Variants in BMPER observed in about 807,000 individuals in gnomAD.
BMPER encodes BMP-binding endothelial regulator protein.
Under a neutral mutation model 87.3 loss-of-function variants are expected in BMPER, and 45 were observed. The observed-to-expected ratio is 0.52, with a 90% CI of 0.41 to 0.66. The LOEUF is 0.66. BMPER is among the 30% of genes least tolerant of loss of function. The probability of loss-of-function intolerance (pLI) is 0.00; values close to 1 mark genes in which losing one functional copy is unlikely to be tolerated. For missense variants in BMPER, 784 were observed against 867.5 expected, an observed-to-expected ratio of 0.90 and a Z score of 1.21; for synonymous variants, 326 against 316.2, an observed-to-expected ratio of 1.03 and a Z score of -0.33.
intron 11 of BMPER, among the ~76,000 whole-genome samples, chr7:34,078,542 C>T (rs1197223336): frequency 6.6e-6 from 1 of 152,048 alleles, no homozygotes. Flanking sequence ...GAAGTAAGGC[C>T]AGTTCTTAGT....
rs571736186 is a variant in BMPER, at chr7:34,154,160, G to A, written c.*887G>A. 6.6e-6 allele frequency: 1 copy of A among 152,646 alleles called. No homozygotes were observed. Among genetic ancestry groups the A allele is most frequent in the Non-Finnish European group, 1.5e-5 (1 of 68,034 alleles). The allele number at this position is 152,646 out of a possible 1,614,324, so 9.5% of individuals were successfully genotyped here. On this transcript the variant is annotated 3_prime_UTR_variant, in exon 15 of 15. Transcript: ENST00000649409. Reference sequence around the variant, plus strand: ...AGATGGGCAAATCCAATGAGTTGATGTAACCCATCTACATTTTGTGGCTAT... The same window carrying A: ...AGATGGGCAAATCCAATGAGTTGATATAACCCATCTACATTTTGTGGCTAT...
At chr7:33,939,984 C>T in intron 3 of BMPER, 1 of 296,466 alleles carries the variant, frequency 3.4e-6, no homozygotes, top group Non-Finnish European at 7.8e-6. Flanking sequence ...GGACACAGTC[C>T]TGTTCACTCT....
intron 6 of BMPER, among the ~76,000 whole-genome samples, chr7:33,975,751 C>G (rs1785670539): frequency 6.6e-6 from 1 of 152,138 alleles, no homozygotes; most frequent in Non-Finnish European, 1.5e-5. Context: ...ATGGGGAACT[C>G]TAGCATGCTA....
At chr7:34,024,419 ATATATATATATATAT>A (rs1419761465) in intron 6 of BMPER, among the ~76,000 whole-genome samples, 1 of 46,280 alleles carries the variant, frequency 2.2e-5, no homozygotes, top group African/African-American at 1.0e-4. Context: ...ATATATATAT[ATATATATATATATAT>A]GTTGGGGAGG....
intron 8 of BMPER, 128 bp downstream of exon 8, chr7:34,052,098 C>T: frequency 1.2e-6 from 1 of 857,712 alleles, no homozygotes; most frequent in Non-Finnish European, 1.9e-6. Context: ...TGCCATTTTA[C>T]AAGGAAAATC....
intron 13 of BMPER, among the ~76,000 whole-genome samples, chr7:34,109,794 G>T (rs1296259768): frequency 6.6e-6 from 1 of 152,186 alleles, no homozygotes; most frequent in Non-Finnish European, 1.5e-5. Flanking sequence ...TTTATTCTAA[G>T]TATGTCAGCA....
chr7:34,142,501 G>A (rs1049725185), intron 13 of BMPER, among the ~76,000 whole-genome samples: 7 of 152,074 alleles, frequency 4.6e-5, no homozygotes, highest in African/African-American at 7.2e-5. Context: ...TTGCATTTCC[G>A]TTCAATTTAT....
intron 3 of BMPER, among the ~76,000 whole-genome samples, chr7:33,945,618 G>A (rs1213439058): frequency 1.3e-5 from 2 of 152,048 alleles, no homozygotes; most frequent in African/African-American, 4.8e-5. Context: ...GCATCCATCT[G>A]TCTGTCCATG....
intron 3 of BMPER, among the ~76,000 whole-genome samples, chr7:33,960,491 G>A (rs1785241595): frequency 6.6e-6 from 1 of 152,230 alleles, no homozygotes; most frequent in African/African-American, 2.4e-5. Flanking sequence ...CCTGGAAGCA[G>A]CAAAGCATGG....
At chr7:33,968,046 C>T (rs563247338) in intron 4 of BMPER, among the ~76,000 whole-genome samples, 346 of 152,248 alleles carry the variant, frequency 2.3e-3, no homozygotes, top group Non-Finnish European at 4.0e-3. Context: ...AATTGCCTAG[C>T]GTCTCTGGTC....
chr7:34,121,124 G>A (rs1043947596), intron 13 of BMPER, among the ~76,000 whole-genome samples: 6 of 151,754 alleles, frequency 4.0e-5, no homozygotes, highest in South Asian at 2.1e-4. Flanking sequence ...ATTAAACAAG[G>A]AATAGTTATT....
chr7:33,958,788 G>A (rs908282618), intron 3 of BMPER, among the ~76,000 whole-genome samples: 5 of 152,164 alleles, frequency 3.3e-5, no homozygotes, highest in African/African-American at 1.2e-4. Context: ...CTACCTTTGG[G>A]TTATGAGGTC....
At chr7:33,921,517 G>A (rs915782677) in intron 2 of BMPER, among the ~76,000 whole-genome samples, 7 of 152,212 alleles carry the variant, frequency 4.6e-5, no homozygotes, top group African/African-American at 1.7e-4. Flanking sequence ...CACAAGGGTT[G>A]AGAGAATACC....
intron 3 of BMPER, among the ~76,000 whole-genome samples, chr7:33,960,391 A>G (rs372280150): frequency 7.9e-5 from 12 of 152,174 alleles, no homozygotes; most frequent in Non-Finnish European, 1.5e-4. Flanking sequence ...CAGTGTCTGA[A>G]AAGTGGTTCA....
intron 11 of BMPER, among the ~76,000 whole-genome samples, chr7:34,074,584 C>T (rs1282084162): frequency 2.0e-5 from 3 of 152,150 alleles, no homozygotes; most frequent in African/African-American, 7.2e-5. Flanking sequence ...GCCTGTTTCC[C>T]TGCAGTTTGG....
intron 2 of BMPER, among the ~76,000 whole-genome samples, chr7:33,925,569 T>TA (rs1202292205): frequency 6.6e-5 from 10 of 152,222 alleles, no homozygotes; most frequent in Admixed American, 6.5e-4. Context: ...GAATGTAAGT[T>TA]AAAATCCAGT....
At chr7:34,102,225 T>C (rs1384397975) in intron 13 of BMPER, among the ~76,000 whole-genome samples, 3 of 152,136 alleles carry the variant, frequency 2.0e-5, no homozygotes, top group Non-Finnish European at 4.4e-5. Flanking sequence ...TCCTCATGGT[T>C]ATAGCTTCGG....
At chr7:34,153,068 C>A (rs1199239126) in intron 14 of BMPER, 24 bp from the exon 15 acceptor site, 1 of 1,613,636 alleles carries the variant, frequency 6.2e-7, no homozygotes. Flanking sequence ...CCATGTTATG[C>A]CTTTGTCTCC....
intron 10 of BMPER, among the ~76,000 whole-genome samples, chr7:34,059,640 CG>C (rs1472068978): frequency 4.0e-5 from 6 of 150,998 alleles, no homozygotes; most frequent in African/African-American, 7.3e-5. Context: ...TTTCCCTTCT[CG>C]GGGGCCAGCA....
Sources: gnomAD v4.1 joint callset for allele counts (sites outside exome capture counted in the v4.1 genomes callset) on GRCh38, gnomAD v4.1.1 for gene constraint, MANE v1.5 for transcripts, NCBI Gene and HGNC (gene_info 2026-07-23, HGNC 2026-07-21) for gene names.